The following OSBP variants were observed in gnomAD, a reference collection of about 807,000 sequenced individuals.
OSBP encodes oxysterol-binding protein 1.
OSBP carries 32 observed loss-of-function variants against 96.6 expected under a neutral mutation model. That is an observed-to-expected ratio of 0.33 (90% CI 0.25 to 0.45). The LOEUF (loss-of-function observed/expected upper bound fraction) is 0.45. Ranked by LOEUF, OSBP falls within the 20% of genes least tolerant of loss-of-function variation. The probability of loss-of-function intolerance (pLI) is 1.00; values close to 1 mark genes in which losing one functional copy is unlikely to be tolerated. For missense variants in OSBP, 653 were observed against 1,029.7 expected (o/e 0.63, Z 5.01); for synonymous variants, 369 against 389.6 (o/e 0.95, Z 0.62).
chr11:59,594,071 A>G lies in OSBP; in HGVS notation c.1496T>C (p.Leu499Pro). Residue 499 changes from leucine to proline, a missense_variant, in exon 8 of 14, where the codon CTT becomes CCT. Coordinates refer to ENST00000263847, the MANE Select transcript of OSBP (RefSeq NM_002556.3). ...FRTSKPFNPL[L>P]GETFELDRLE... is the part of the protein sequence containing the mutation. Reference sequence around the variant, plus strand: ...TCGGTCCAGCTCAAAGGTCTCCCCAAGCAGTGGGTTGAATGGCTTACTGGT... The same window carrying G: ...TCGGTCCAGCTCAAAGGTCTCCCCAGGCAGTGGGTTGAATGGCTTACTGGT... 1 of 1,614,138 alleles carries G rather than the reference A, an allele frequency of 6.2e-7. No homozygotes were observed. The highest frequency in any genetic ancestry group is 8.5e-7 in the Non-Finnish European group (1 of 1,180,010).
chr11:59,602,806 G>C (rs953436886), intron 3 of OSBP, among the ~76,000 whole-genome samples: 1 of 152,194 alleles, frequency 6.6e-6, no homozygotes, highest in Non-Finnish European at 1.5e-5. Context: ...ATTTTGTAGA[G>C]ATGGAATTTT....
chr11:59,600,025 C>T (rs534827524), intron 7 of OSBP, among the ~76,000 whole-genome samples: 5 of 152,308 alleles, frequency 3.3e-5, no homozygotes, highest in South Asian at 2.1e-4. Flanking sequence ...GCAGAGAGGT[C>T]AGCCCAAACA....
chr11:59,593,761 G>C, intron 8 of OSBP, 37 bp from the exon 9 acceptor site: 1 of 1,611,362 alleles, frequency 6.2e-7, no homozygotes, highest in Non-Finnish European at 8.5e-7. Context: ...ACGGCAGAAA[G>C]GAGAAGAAAA....
intron 7 of OSBP, among the ~76,000 whole-genome samples, chr11:59,599,132 T>C (rs1211639559): frequency 6.6e-6 from 1 of 152,164 alleles, no homozygotes; most frequent in Non-Finnish European, 1.5e-5. Context: ...AAGGCAGAGG[T>C]TGACAACTTT....
chr11:59,606,363 A>G (rs981863621), intron 3 of OSBP, among the ~76,000 whole-genome samples: 4 of 152,110 alleles, frequency 2.6e-5, no homozygotes, highest in African/African-American at 7.2e-5. Context: ...AAAAAAAACA[A>G]TATCATGTCC....
chr11:59,577,089 A>C, intron 12 of OSBP, 64 bp from the exon 13 acceptor site: 1 of 1,296,702 alleles, frequency 7.7e-7, no homozygotes, highest in African/African-American at 1.5e-5. Context: ...TTAAAGAGCA[A>C]CAACTAAGTA....
intron 10 of OSBP, among the ~76,000 whole-genome samples, chr11:59,581,172 G>A (rs529545516): frequency 6.6e-6 from 1 of 152,312 alleles, no homozygotes; most frequent in Admixed American, 6.5e-5. Context: ...AAGAGTTGGG[G>A]CCACGTTTGT....
chr11:59,606,774 A>C (rs1565120783), intron 3 of OSBP, among the ~76,000 whole-genome samples: 1 of 152,220 alleles, frequency 6.6e-6, no homozygotes, highest in African/African-American at 2.4e-5. Flanking sequence ...TAGCATGTTA[A>C]TTTTTAACAC....
At chr11:59,586,973 C>A (rs1221354739) in intron 9 of OSBP, among the ~76,000 whole-genome samples, 1 of 152,170 alleles carries the variant, frequency 6.6e-6, no homozygotes, top group Non-Finnish European at 1.5e-5. Context: ...GCAATAATTT[C>A]TTGGCTATGA....
At chr11:59,577,119 C>G in intron 12 of OSBP, 94 bp from the exon 13 acceptor site, 1 of 961,748 alleles carries the variant, frequency 1.0e-6, no homozygotes, top group Non-Finnish European at 1.6e-6. Context: ...GGCCACATCA[C>G]CAAGGCTGTT....
Position 59,615,479 on chromosome 11 carries a change from G to A in OSBP, c.186C>T (p.Ala62=), listed in dbSNP as rs1860913931. Residue 62 remains alanine (A), a synonymous_variant, in exon 1 of 14, where the codon GCC becomes GCT. Coordinates refer to ENST00000263847, the MANE Select transcript of OSBP (RefSeq NM_002556.3). ...CCGGGCCAGCCGCCGCCACTCCCCC[G>A]GCCCCCGGGCCCGGGCCTCCCGCCG... ...AAAAGGPGPG[A]GGVAAAGPAP... The A allele has an allele frequency of 2.5e-6, 3 of 1,212,922 alleles. No individual in the cohort carries two copies. The highest frequency in any genetic ancestry group is 7.4e-5 in the South Asian group (2 of 27,032). 75.1% of individuals were successfully genotyped at this position (1,212,922 alleles called of 1,614,324 possible).
intron 9 of OSBP, among the ~76,000 whole-genome samples, chr11:59,583,901 G>C (rs978471017): frequency 6.7e-6 from 1 of 149,040 alleles, no homozygotes; most frequent in Non-Finnish European, 1.5e-5. Context: ...GTCTCCCAAA[G>C]AGCTGGGATT....
At chr11:59,588,917 A>C (rs1412901495) in intron 9 of OSBP, among the ~76,000 whole-genome samples, 3 of 152,050 alleles carry the variant, frequency 2.0e-5, no homozygotes, top group Admixed American at 6.6e-5. Flanking sequence ...AGGCAGGAGA[A>C]TCAGTTGAAC....
rs1367616252 is a variant in OSBP, at chr11:59,600,569, G to C, written c.1238C>G (p.Pro413Arg). The change falls in exon 7 of 14, where the codon CCA (proline) becomes CGA (arginine). Residue 413 changes from proline to arginine, a missense_variant. Physicochemically the swap from Pro to Arg is moderately radical, Grantham distance 103. Coordinates refer to ENST00000263847, the MANE Select transcript of OSBP (RefSeq NM_002556.3). ...KEKRTRIPYK[P>R]NYSLNLWSIM... ...GCTCCATAAATTGAGGCTATAGTTT[G>C]GCTTGTATGGTATTCTGGTTCTCTT... 1 of 1,613,954 alleles carries C rather than the reference G, an allele frequency of 6.2e-7. No homozygotes were observed. Among genetic ancestry groups the C allele is most frequent in the African/African-American group, 1.3e-5 (1 of 74,986 alleles).
In OSBP at chr11:59,594,271, C is replaced by G; in HGVS notation, c.1312-16G>C. On this transcript the variant is annotated splice_polypyrimidine_tract_variant and intron_variant, in intron 7 of 13. Transcript: ENST00000263847. Reference sequence around the variant, plus strand: ...TAAAGTTTACCTGTAAGGAGAAGAACAGATATAAAAACTATGCTCACTCAT... The same window carrying G: ...TAAAGTTTACCTGTAAGGAGAAGAAGAGATATAAAAACTATGCTCACTCAT... The G allele has an allele frequency of 6.2e-7, 1 of 1,612,724 alleles. No individual in the cohort carries two copies. The highest frequency in any genetic ancestry group is 8.5e-7 in the Non-Finnish European group (1 of 1,179,128).
intron 9 of OSBP, among the ~76,000 whole-genome samples, chr11:59,586,748 C>G (rs1260959487): frequency 6.6e-6 from 1 of 152,142 alleles, no homozygotes; most frequent in East Asian, 1.9e-4. Context: ...CATATATGGT[C>G]AAATGATTTT....
At chr11:59,597,219 C>T (rs111783462) in intron 7 of OSBP, among the ~76,000 whole-genome samples, 7,596 of 151,936 alleles carry the variant, frequency 0.05, 402 homozygotes, top group Admixed American at 0.14. Flanking sequence ...CCAACATGCC[C>T]GGCTAATTTT....
chr11:59,597,402 C>T (rs529859949), intron 7 of OSBP, among the ~76,000 whole-genome samples: 3 of 152,020 alleles, frequency 2.0e-5, no homozygotes, highest in Non-Finnish European at 4.4e-5. Flanking sequence ...AATGACATGC[C>T]TTTCCAGTCC....
At chr11:59,612,666 G>A (rs565958007) in intron 1 of OSBP, among the ~76,000 whole-genome samples, 1 of 152,308 alleles carries the variant, frequency 6.6e-6, no homozygotes, top group African/African-American at 2.4e-5. Context: ...TAGTGCAGAA[G>A]CTGGAAAGAC....
Sources: gnomAD v4.1 joint callset for allele counts (sites outside exome capture counted in the v4.1 genomes callset) on GRCh38, gnomAD v4.1.1 for gene constraint, MANE v1.5 for transcripts, NCBI Gene and HGNC (gene_info 2026-07-23, HGNC 2026-07-21) for gene names.